The following PAG1 variants were observed in gnomAD, a reference collection of about 807,000 sequenced individuals.
The protein encoded by PAG1 is phosphoprotein membrane anchor with glycosphingolipid microdomains 1.
Under a neutral mutation model 31.7 loss-of-function variants are expected in PAG1, and 23 were observed. The ratio of observed to expected loss-of-function variants is 0.73; its 90% CI spans 0.52 to 1.03. The LOEUF is 1.03. Ranked by LOEUF, PAG1 falls within the 50% of genes least tolerant of loss-of-function variation. The pLI, the probability that PAG1 is intolerant of heterozygous loss-of-function variation, is 0.00. For missense variants in PAG1, 473 were observed against 540.7 expected (o/e 0.87, Z 1.24); for synonymous variants, 214 against 210.3 (o/e 1.02, Z -0.15).
At position 81,111,754 on chromosome 8, in the gene PAG1, G is replaced by C. The variant is rs1318211290; in HGVS notation, c.-397C>G. ...CAGTCGCCTTGGCTCAGCTGTGCCGGGCGCCGGGCATTCGCCAGGGCACAC... is the reference window on the plus strand; with the variant it reads ...CAGTCGCCTTGGCTCAGCTGTGCCGCGCGCCGGGCATTCGCCAGGGCACAC... On this transcript the variant is annotated 5_prime_UTR_variant, in exon 1 of 9. Transcript: ENST00000220597. 1 of 152,248 alleles carries C rather than the reference G, an allele frequency of 6.6e-6. No homozygotes were observed. 9.4% of individuals were successfully genotyped at this position (152,248 alleles called of 1,614,324 possible).
intron 1 of PAG1, among the ~76,000 whole-genome samples, chr8:81,103,741 C>T (rs1809646997): frequency 6.6e-6 from 1 of 152,162 alleles, no homozygotes; most frequent in African/African-American, 2.4e-5. Context: ...CCTCTAATAA[C>T]ATTATGGCCA....
intron 3 of PAG1, among the ~76,000 whole-genome samples, chr8:81,014,114 TG>T (rs1808031886): frequency 6.6e-6 from 1 of 152,182 alleles, no homozygotes; most frequent in Non-Finnish European, 1.5e-5. Flanking sequence ...ACTTCTAGTT[TG>T]GCAAACAAAC....
chr8:81,019,407 T>C (rs1247513529), intron 3 of PAG1, among the ~76,000 whole-genome samples: 1 of 152,178 alleles, frequency 6.6e-6, no homozygotes, highest in African/African-American at 2.4e-5. Context: ...CCTGGAGGCC[T>C]AGAAGGAAAA....
In PAG1 at chr8:81,079,537, G is replaced by A. The variant is rs910111553; in HGVS notation, c.-233-9367C>T. Among the ~76,000 whole-genome samples, 9 of 152,010 alleles carry A rather than the reference G, an allele frequency of 5.9e-5. No individual in the cohort carries two copies. In the South Asian group the frequency reaches 8.3e-4, roughly 14 times the overall value. The stretch of plus-strand genomic sequence containing the variant: ...TTCCCTCATGGCAAATTCCCCTTCC[G>A]TGAAATTCTTTACTTCCATTTCCTA... On this transcript the variant is annotated intron_variant, in intron 1 of 8. Transcript: ENST00000220597.
At chr8:80,979,285 A>G (rs1468861337) in intron 8 of PAG1, among the ~76,000 whole-genome samples, 3 of 152,192 alleles carry the variant, frequency 2.0e-5, no homozygotes, top group Non-Finnish European at 4.4e-5. Context: ...TTGGCTGCAG[A>G]GTAGAAAACA....
At chr8:81,009,035 CT>C (rs1243516091) in intron 3 of PAG1, among the ~76,000 whole-genome samples, 1 of 152,098 alleles carries the variant, frequency 6.6e-6, no homozygotes, top group Non-Finnish European at 1.5e-5. Flanking sequence ...AGTAGTTTGC[CT>C]TTTTGTATAA....
chr8:80,983,227 C>T (rs562737226), intron 7 of PAG1, among the ~76,000 whole-genome samples: 28 of 152,334 alleles, frequency 1.8e-4, no homozygotes, highest in South Asian at 6.2e-4. Flanking sequence ...GCTCTTTCCA[C>T]AAAAGCACAA....
chr8:81,009,548 A>C (rs1807944218), intron 3 of PAG1, among the ~76,000 whole-genome samples: 1 of 152,226 alleles, frequency 6.6e-6, no homozygotes, highest in African/African-American at 2.4e-5. Context: ...CTGAAAATCA[A>C]ACCAACGGTA....
In PAG1 at chr8:80,971,768, A is replaced by G. The variant is rs1243705740; in HGVS notation, c.*4776T>C. On this transcript the variant is annotated 3_prime_UTR_variant, in exon 9 of 9. Transcript: ENST00000220597. ...TTCAGTTAAGTCAAAGAAGAACTTG[A>G]AAAAAATAATGACATACTTCACAAA... is the stretch of plus-strand genomic sequence containing the variant. The G allele has an allele frequency of 6.6e-6, 1 of 152,228 alleles. No individual in the cohort carries two copies. Among genetic ancestry groups the G allele is most frequent in the African/African-American group, 2.4e-5 (1 of 41,452 alleles). 9.4% of individuals were successfully genotyped at this position (152,228 alleles called of 1,614,324 possible).
intron 1 of PAG1, among the ~76,000 whole-genome samples, chr8:81,079,255 T>C (rs2131008046): frequency 6.6e-6 from 1 of 152,180 alleles, no homozygotes. Context: ...AGGAATCACA[T>C]GCCCAGCCTG....
intron 3 of PAG1, among the ~76,000 whole-genome samples, chr8:80,998,747 TATGGAA>T (rs1344100085): frequency 6.6e-6 from 1 of 152,148 alleles, no homozygotes; most frequent in Non-Finnish European, 1.5e-5. Context: ...TGAGATTAGA[TATGGAA>T]ACAGACACTT....
chr8:81,107,981 T>G (rs1476747768), intron 1 of PAG1, among the ~76,000 whole-genome samples: 2 of 152,374 alleles, frequency 1.3e-5, no homozygotes, highest in African/African-American at 4.8e-5. Flanking sequence ...TTCATTTATA[T>G]CCATATTAAA....
chr8:81,104,712 T>G (rs760838782), intron 1 of PAG1, among the ~76,000 whole-genome samples: 30 of 152,260 alleles, frequency 2.0e-4, no homozygotes, highest in Middle Eastern at 3.4e-3. Flanking sequence ...CATCCTCTCC[T>G]TGCTTCTCCC....
At chr8:81,049,185 A>C (rs748890517) in intron 2 of PAG1, among the ~76,000 whole-genome samples, 1 of 152,212 alleles carries the variant, frequency 6.6e-6, no homozygotes, top group Non-Finnish European at 1.5e-5. Context: ...AAAACCCACA[A>C]ACCCTCACTT....
At chr8:81,043,539 CCTTT>C (rs2130845578) in intron 2 of PAG1, among the ~76,000 whole-genome samples, 1 of 152,058 alleles carries the variant, frequency 6.6e-6, no homozygotes, top group African/African-American at 2.4e-5. Flanking sequence ...TTATCTCATT[CCTTT>C]GAGTAACTAT....
At chr8:81,096,981 A>G (rs759406083) in intron 1 of PAG1, among the ~76,000 whole-genome samples, 1 of 152,234 alleles carries the variant, frequency 6.6e-6, no homozygotes, top group Non-Finnish European at 1.5e-5. Context: ...GGGATGAGGA[A>G]GAGTTGTTTG....
intron 1 of PAG1, among the ~76,000 whole-genome samples, chr8:81,088,471 TGCAAAATGACTATAATACAAATA>T (rs763180080): frequency 1.4e-4 from 22 of 152,144 alleles, no homozygotes; most frequent in South Asian, 4.1e-4. Context: ...TAGGACAAAT[TGCAAAATGACTATAATACAAATA>T]GCAAAATGAC....
chr8:81,100,412 G>A (rs2131106207), intron 1 of PAG1, among the ~76,000 whole-genome samples: 1 of 152,296 alleles, frequency 6.6e-6, no homozygotes, highest in Non-Finnish European at 1.5e-5. Flanking sequence ...CTCAAGCTTA[G>A]CACTCTAGAC....
chr8:81,093,835 G>A (rs1353467798), intron 1 of PAG1, among the ~76,000 whole-genome samples: 1 of 152,210 alleles, frequency 6.6e-6, no homozygotes, highest in African/African-American at 2.4e-5. Flanking sequence ...AATCAAAGCA[G>A]CAATCTACAC....
Sources: gnomAD v4.1 joint callset for allele counts (sites outside exome capture counted in the v4.1 genomes callset) on GRCh38, gnomAD v4.1.1 for gene constraint, MANE v1.5 for transcripts, NCBI Gene and HGNC (gene_info 2026-07-23, HGNC 2026-07-21) for gene names.